SHANK2: variants seen among roughly 807,000 people sequenced by gnomAD.
The protein encoded by SHANK2 is SH3 and multiple ankyrin repeat domains 2.
Under a neutral mutation model 133.7 loss-of-function variants are expected in SHANK2, and 43 were observed. The ratio of observed to expected loss-of-function variants is 0.32; its 90% CI spans 0.25 to 0.41. SHANK2 has a LOEUF of 0.41. Ranked by LOEUF, SHANK2 falls within the 10% of genes least tolerant of loss-of-function variation. The probability of loss-of-function intolerance (pLI) is 1.00; values close to 1 mark genes in which losing one functional copy is unlikely to be tolerated. For synonymous variants in SHANK2, 1,017 were observed against 952.8 expected (o/e 1.07, Z -1.24); for missense variants, 1,994 against 2,235.8 (o/e 0.89, Z 2.18).
chr11:71,249,385 G>A (rs1948139987), intron 1 of SHANK2, among the ~76,000 whole-genome samples: 1 of 152,146 alleles, frequency 6.6e-6, no homozygotes, highest in Non-Finnish European at 1.5e-5. Flanking sequence ...CCCTCCCTGG[G>A]GCTCACAGTC....
At chr11:70,645,524 G>A (rs1002688200) in intron 17 of SHANK2, among the ~76,000 whole-genome samples, 2 of 152,170 alleles carry the variant, frequency 1.3e-5, no homozygotes, top group African/African-American at 4.8e-5. Flanking sequence ...ATGTCTTCCC[G>A]GAAAAGATGA....
At chr11:70,847,297 A>G (rs929331476) in intron 11 of SHANK2, among the ~76,000 whole-genome samples, 2 of 152,154 alleles carry the variant, frequency 1.3e-5, no homozygotes, top group Non-Finnish European at 2.9e-5. Flanking sequence ...CACGCCTCCT[A>G]CCGCTGCAAT....
At chr11:70,576,220 G>T (rs2060114017) in intron 17 of SHANK2, among the ~76,000 whole-genome samples, 1 of 152,110 alleles carries the variant, frequency 6.6e-6, no homozygotes, top group African/African-American at 2.4e-5. Context: ...AGGAGAGGCT[G>T]GGGGTACAGA....
At chr11:71,086,017 A>T (rs1951398819) in intron 8 of SHANK2, among the ~76,000 whole-genome samples, 1 of 86,960 alleles carries the variant, frequency 1.1e-5, no homozygotes. Context: ...ATTATATATA[A>T]CATATTATAT....
intron 25 of SHANK2, among the ~76,000 whole-genome samples, chr11:70,478,746 C>G (rs2058696768): frequency 6.6e-6 from 1 of 152,200 alleles, no homozygotes; most frequent in Admixed American, 6.5e-5. Flanking sequence ...TCCTTGAGGT[C>G]TGGCCCAGAA....
chr11:70,733,068 C>T (rs1272780442), intron 14 of SHANK2, among the ~76,000 whole-genome samples: 2 of 152,176 alleles, frequency 1.3e-5, no homozygotes, highest in Admixed American at 6.5e-5. Flanking sequence ...GAGACAGACG[C>T]GGAGCAGATC....
chr11:70,563,460 G>T (rs1554981266), intron 17 of SHANK2, among the ~76,000 whole-genome samples: 1 of 151,242 alleles, frequency 6.6e-6, no homozygotes, highest in Non-Finnish European at 1.5e-5. Flanking sequence ...TCTTTCGAAA[G>T]AATTAAACAA....
At chr11:70,609,636 CATAAT>C (rs1554993568) in intron 17 of SHANK2, among the ~76,000 whole-genome samples, 1 of 151,696 alleles carries the variant, frequency 6.6e-6, no homozygotes. Context: ...GGAATAGATA[CATAAT>C]ATATCTATAT....
chr11:70,552,097 G>C (rs1279798011), intron 17 of SHANK2, among the ~76,000 whole-genome samples: 5 of 152,266 alleles, frequency 3.3e-5, no homozygotes, highest in African/African-American at 1.2e-4. Context: ...GACAATGCCT[G>C]AGGTCAGGGT....
chr11:70,519,464 A>T (rs1341598838), intron 17 of SHANK2, among the ~76,000 whole-genome samples: 1 of 152,174 alleles, frequency 6.6e-6, no homozygotes, highest in Non-Finnish European at 1.5e-5. Context: ...CCTGACCAAC[A>T]TGGAGAAACC....
intron 17 of SHANK2, among the ~76,000 whole-genome samples, chr11:70,657,131 C>T (rs564277642): frequency 1.3e-5 from 2 of 152,292 alleles, no homozygotes; most frequent in African/African-American, 2.4e-5. Context: ...GTCACACTTT[C>T]GAGGTTCTTT....
chr11:70,806,280 C>T (rs1198249500), intron 13 of SHANK2, among the ~76,000 whole-genome samples: 1 of 152,202 alleles, frequency 6.6e-6, no homozygotes, highest in African/African-American at 2.4e-5. Flanking sequence ...GCCTTTCTTG[C>T]TCCACCCAGT....
At chr11:71,131,394 C>T (rs1952303932) in intron 3 of SHANK2, among the ~76,000 whole-genome samples, 1 of 152,176 alleles carries the variant, frequency 6.6e-6, no homozygotes, top group Non-Finnish European at 1.5e-5. Context: ...CTTAGTGCTT[C>T]TGCATGTTTA....
intron 14 of SHANK2, among the ~76,000 whole-genome samples, chr11:70,754,876 T>C (rs1946832805): frequency 6.6e-6 from 1 of 152,058 alleles, no homozygotes; most frequent in Non-Finnish European, 1.5e-5. Flanking sequence ...GCTTCAAATA[T>C]CTAGATTTAA....
At chr11:71,114,843 G>A (rs1162101054) in intron 4 of SHANK2, among the ~76,000 whole-genome samples, 1 of 152,048 alleles carries the variant, frequency 6.6e-6, no homozygotes, top group Non-Finnish European at 1.5e-5. Flanking sequence ...AAGTCTCAGG[G>A]AATTCAATTC....
intron 11 of SHANK2, among the ~76,000 whole-genome samples, chr11:70,891,785 A>G (rs1386140698): frequency 6.6e-6 from 1 of 152,100 alleles, no homozygotes; most frequent in Non-Finnish European, 1.5e-5. Context: ...GGTGACCATG[A>G]TGGACCCTCA....
chr11:71,221,508 T>G (rs1954541297), intron 2 of SHANK2, among the ~76,000 whole-genome samples: 1 of 152,146 alleles, frequency 6.6e-6, no homozygotes, highest in South Asian at 2.1e-4. Context: ...GTCATGTCAT[T>G]AATCATTAGG....
chr11:71,109,893 T>C (rs1555098770), intron 6 of SHANK2, 48 bp downstream of exon 6: 4 of 1,201,876 alleles, frequency 3.3e-6, no homozygotes, highest in Admixed American at 4.0e-5. Flanking sequence ...GCTGGCCTTC[T>C]CTACGCTTCC....
At chr11:71,233,485 T>G (rs1381949507) in intron 1 of SHANK2, among the ~76,000 whole-genome samples, 1 of 151,696 alleles carries the variant, frequency 6.6e-6, no homozygotes, top group Non-Finnish European at 1.5e-5. Context: ...AAGATCAGAG[T>G]GGGGAGCAAT....
Sources: gnomAD v4.1 joint callset for allele counts (sites outside exome capture counted in the v4.1 genomes callset) on GRCh38, gnomAD v4.1.1 for gene constraint, MANE v1.5 for transcripts, NCBI Gene and HGNC (gene_info 2026-07-23, HGNC 2026-07-21) for gene names.